RGS7: variants seen among roughly 807,000 people sequenced by gnomAD.
RGS7 encodes the protein regulator of G-protein signaling 7.
A neutral mutation model predicts 81.1 loss-of-function variants in RGS7; 27 were observed. The observed-to-expected ratio is 0.33, with a 90% CI of 0.25 to 0.46. The LOEUF (loss-of-function observed/expected upper bound fraction) is 0.46. Ranked by LOEUF, RGS7 falls within the 20% of genes least tolerant of loss-of-function variation. The pLI is 1.00. For synonymous variants in RGS7, 208 were observed against 207.7 expected (o/e 1.00, Z -0.01); for missense variants, 396 against 607.4 (o/e 0.65, Z 3.66).
At chr1:241,209,878 A>G (rs1171708491) in intron 2 of RGS7, among the ~76,000 whole-genome samples, 2 of 151,958 alleles carry the variant, frequency 1.3e-5, no homozygotes, top group Non-Finnish European at 2.9e-5. Context: ...AAAATAAAAT[A>G]TATTATTAAC....
chr1:241,232,222 CTT>C, intron 2 of RGS7, among the ~76,000 whole-genome samples: 1 of 151,650 alleles, frequency 6.6e-6, no homozygotes, highest in African/African-American at 2.4e-5. Flanking sequence ...TTCTCTCTCT[CTT>C]TTGAGATGCC....
chr1:241,202,011 G>GACACACACACACACACACACACACAC (rs60399497), intron 2 of RGS7, among the ~76,000 whole-genome samples: 4 of 144,968 alleles, frequency 2.8e-5, no homozygotes, highest in African/African-American at 1.0e-4. Flanking sequence ...GACACACACA[G>GACACACACACACACACACACACACAC]ACACACACAC....
intron 3 of RGS7, among the ~76,000 whole-genome samples, chr1:241,090,494 G>C (rs988902187): frequency 6.6e-6 from 1 of 151,998 alleles, no homozygotes; most frequent in East Asian, 1.9e-4. Context: ...TCAGAGAAAA[G>C]GTCTGAATTA....
chr1:241,050,219 C>T (rs1451123301), intron 3 of RGS7, among the ~76,000 whole-genome samples: 1 of 152,064 alleles, frequency 6.6e-6, no homozygotes, highest in Non-Finnish European at 1.5e-5. Context: ...GATGGCACAG[C>T]CAGTATGTGT....
intron 2 of RGS7, among the ~76,000 whole-genome samples, chr1:241,286,467 T>C (rs1427060077): frequency 1.3e-5 from 2 of 152,128 alleles, no homozygotes; most frequent in African/African-American, 4.8e-5. Context: ...CCGCTAAGAA[T>C]TCCCACCCCC....
intron 2 of RGS7, among the ~76,000 whole-genome samples, chr1:241,256,630 T>C (rs577825069): frequency 2.6e-5 from 4 of 152,236 alleles, no homozygotes; most frequent in East Asian, 1.9e-4. Flanking sequence ...ATCTGGTGTG[T>C]GGTGAGGGGC....
chr1:240,997,257 A>G (rs534620610), intron 3 of RGS7, among the ~76,000 whole-genome samples: 2 of 152,272 alleles, frequency 1.3e-5, no homozygotes, highest in African/African-American at 4.8e-5. Flanking sequence ...GTATGATTAC[A>G]GGTGTCAGCC....
At chr1:241,198,427 T>G (rs1309402670) in intron 2 of RGS7, among the ~76,000 whole-genome samples, 1 of 151,944 alleles carries the variant, frequency 6.6e-6, no homozygotes, top group Non-Finnish European at 1.5e-5. Context: ...AAGGCTAATA[T>G]AGTTGATGAT....
intron 3 of RGS7, among the ~76,000 whole-genome samples, chr1:241,097,288 G>A (rs9428497): frequency 0.25 from 38,076 of 151,764 alleles, 5,235 homozygotes; most frequent in African/African-American, 0.37. Flanking sequence ...AGGCATCATT[G>A]AGAAAAAGCA....
At chr1:241,165,681 G>A (rs1242704951) in intron 2 of RGS7, among the ~76,000 whole-genome samples, 4 of 151,014 alleles carry the variant, frequency 2.6e-5, no homozygotes, top group Non-Finnish European at 5.9e-5. Flanking sequence ...CCTAATGCTA[G>A]ATGACGAGTT....
At chr1:240,953,248 A>G (rs1191684871) in intron 4 of RGS7, among the ~76,000 whole-genome samples, 1 of 151,970 alleles carries the variant, frequency 6.6e-6, no homozygotes, top group African/African-American at 2.4e-5. Context: ...TCAATGATAT[A>G]AATTGACATT....
chr1:241,084,559 T>C (rs2063323514), intron 3 of RGS7, among the ~76,000 whole-genome samples: 1 of 152,200 alleles, frequency 6.6e-6, no homozygotes, highest in East Asian at 1.9e-4. Flanking sequence ...GACATTCTTA[T>C]GAACCTTAAG....
intron 2 of RGS7, among the ~76,000 whole-genome samples, chr1:241,172,626 G>A (rs974577130): frequency 3.3e-5 from 5 of 152,146 alleles, no homozygotes; most frequent in African/African-American, 1.2e-4. Context: ...AACAAATCTG[G>A]CTGTGTGTCT....
chr1:241,056,548 T>G (rs1393170142), intron 3 of RGS7, among the ~76,000 whole-genome samples: 1 of 152,218 alleles, frequency 6.6e-6, no homozygotes, highest in African/African-American at 2.4e-5. Context: ...CAGTAAGTAT[T>G]TGTTGAATGA....
intron 9 of RGS7, among the ~76,000 whole-genome samples, chr1:240,859,269 G>T (rs1661712252): frequency 6.6e-6 from 1 of 151,922 alleles, no homozygotes; most frequent in Non-Finnish European, 1.5e-5. Context: ...CAAAGTGCTG[G>T]GATTACAGGC....
chr1:241,087,829 A>C (rs1237453687), intron 3 of RGS7, among the ~76,000 whole-genome samples: 1 of 151,678 alleles, frequency 6.6e-6, no homozygotes, highest in Non-Finnish European at 1.5e-5. Flanking sequence ...CATGCCTGTA[A>C]TCCCAGCTAC....
At chr1:241,131,021 A>G (rs1484814028) in intron 2 of RGS7, among the ~76,000 whole-genome samples, 1 of 152,110 alleles carries the variant, frequency 6.6e-6, no homozygotes, top group Non-Finnish European at 1.5e-5. Context: ...AGAAAGCCAC[A>G]TTAACTTTGT....
intron 9 of RGS7, among the ~76,000 whole-genome samples, chr1:240,865,351 T>G (rs1308908230): frequency 6.6e-6 from 1 of 152,174 alleles, no homozygotes; most frequent in Non-Finnish European, 1.5e-5. Flanking sequence ...CATCTTCTGG[T>G]GAGGGGCGGT....
chr1:241,220,999 G>GGAAGGAAGGAAGGAAGAAAGAA (rs1558203363), intron 2 of RGS7, among the ~76,000 whole-genome samples: 3 of 64,740 alleles, frequency 4.6e-5, no homozygotes, highest in Non-Finnish European at 9.1e-5. Flanking sequence ...GGAAGGAAGA[G>GGAAGGAAGGAAGGAAGAAAGAA]AGAGAGAAAG....
Sources: gnomAD v4.1 joint callset for allele counts (sites outside exome capture counted in the v4.1 genomes callset) on GRCh38, gnomAD v4.1.1 for gene constraint, MANE v1.5 for transcripts, NCBI Gene and HGNC (gene_info 2026-07-23, HGNC 2026-07-21) for gene names.